TBC1D19: variants seen among roughly 807,000 people sequenced by gnomAD.
TBC1D19 encodes the protein TBC1 domain family, member 19.
In TBC1D19, 60 loss-of-function variants were observed where a neutral mutation model predicts 89.0. That is an observed-to-expected ratio of 0.67 (90% CI 0.55 to 0.84). The LOEUF (loss-of-function observed/expected upper bound fraction) is 0.84. Among genes scored for constraint, TBC1D19 ranks in the 40% least tolerant of loss-of-function variants. TBC1D19 has a pLI of 0.00. For synonymous variants in TBC1D19, 189 were observed against 199.7 expected (o/e 0.95, Z 0.45); for missense variants, 500 against 610.8 (o/e 0.82, Z 1.91).
At chr4:26,850,849 T>G in the TBC1D19 span, among the ~76,000 whole-genome samples, 2 of 152,168 alleles carry the variant, frequency 1.3e-5, no homozygotes, top group Admixed American at 6.5e-5. Flanking sequence ...GACACCTAGA[T>G]AGCTGGCAAG....
chr4:26,631,772 C>T (rs1435551168), intron 4 of TBC1D19, among the ~76,000 whole-genome samples: 1 of 152,064 alleles, frequency 6.6e-6, no homozygotes, highest in Non-Finnish European at 1.5e-5. Context: ...AGTAATGACA[C>T]ACATCTTATA....
At chr4:26,698,189 A>G (rs1714982610) in intron 13 of TBC1D19, among the ~76,000 whole-genome samples, 1 of 152,216 alleles carries the variant, frequency 6.6e-6, no homozygotes, top group African/African-American at 2.4e-5. Flanking sequence ...TCAATGTGCA[A>G]AAATCACAAG....
the TBC1D19 span, among the ~76,000 whole-genome samples, chr4:26,824,224 A>T: frequency 1.3e-5 from 2 of 152,214 alleles, no homozygotes; most frequent in African/African-American, 4.8e-5. Context: ...AGATAAAGAG[A>T]TGATAAGAGA....
At chr4:26,829,187 G>A in the TBC1D19 span, among the ~76,000 whole-genome samples, 12 of 152,266 alleles carry the variant, frequency 7.9e-5, no homozygotes, top group Admixed American at 5.2e-4. Context: ...ATTATAAAAC[G>A]GTTGCCTGCA....
chr4:26,796,998 G>T, the TBC1D19 span, among the ~76,000 whole-genome samples: 3 of 152,032 alleles, frequency 2.0e-5, no homozygotes, highest in African/African-American at 7.2e-5. Flanking sequence ...CCTCAAAAAA[G>T]CTATTTTTAA....
rs1389635159 is a variant in TBC1D19, at chr4:26,742,493, C to T, written c.1228-15C>T. The T allele has an allele frequency of 6.4e-6, 10 of 1,561,400 alleles. No individual in the cohort carries two copies. The highest frequency in any genetic ancestry group is 1.2e-5 in the South Asian group (1 of 80,390). On this transcript the variant is annotated splice_polypyrimidine_tract_variant and intron_variant, in intron 17 of 20. Transcript: ENST00000264866. ...TAAAATATCTATTTCTCTTATGATTCATTATTGTATCCAGGGTATTGTGTC... is the reference window on the plus strand; with the variant it reads ...TAAAATATCTATTTCTCTTATGATTTATTATTGTATCCAGGGTATTGTGTC...
At chr4:26,686,793 G>T (rs1031179836) in intron 12 of TBC1D19, among the ~76,000 whole-genome samples, 8 of 152,106 alleles carry the variant, frequency 5.3e-5, no homozygotes, top group East Asian at 1.9e-4. Flanking sequence ...TGTCATTATG[G>T]TTTTTTCAGA....
intron 11 of TBC1D19, among the ~76,000 whole-genome samples, chr4:26,680,876 C>T (rs1366089699): frequency 2.0e-5 from 3 of 152,136 alleles, no homozygotes; most frequent in African/African-American, 7.2e-5. Flanking sequence ...GCATGTATTT[C>T]TCAGAATTCC....
the TBC1D19 span, among the ~76,000 whole-genome samples, chr4:26,826,983 T>C: frequency 6.6e-6 from 1 of 152,212 alleles, no homozygotes; most frequent in Non-Finnish European, 1.5e-5. Flanking sequence ...GGTTACATAA[T>C]ATTTTTTTCC....
intron 7 of TBC1D19, among the ~76,000 whole-genome samples, chr4:26,641,334 C>T (rs1391821403): frequency 2.0e-5 from 3 of 152,068 alleles, no homozygotes; most frequent in Non-Finnish European, 2.9e-5. Context: ...AGCTGAGGGA[C>T]CTGACTGTTA....
chr4:26,742,939 A>G (rs1345994839), intron 18 of TBC1D19, among the ~76,000 whole-genome samples: 1 of 152,166 alleles, frequency 6.6e-6, no homozygotes, highest in African/African-American at 2.4e-5. Flanking sequence ...TGATCATACT[A>G]AACTTAATTC....
At chr4:26,606,594 G>A (rs779425470) in intron 1 of TBC1D19, among the ~76,000 whole-genome samples, 2 of 152,188 alleles carry the variant, frequency 1.3e-5, no homozygotes, top group Non-Finnish European at 2.9e-5. Context: ...AGGTAGGGAT[G>A]TAGACAGTTT....
intron 15 of TBC1D19, among the ~76,000 whole-genome samples, chr4:26,730,080 C>G (rs558582194): frequency 7.8e-4 from 118 of 152,126 alleles, no homozygotes; most frequent in African/African-American, 2.6e-3. Flanking sequence ...GAGGCTCTTA[C>G]AGAACCATAG....
intron 19 of TBC1D19, among the ~76,000 whole-genome samples, chr4:26,751,664 A>G (rs1169185819): frequency 6.6e-6 from 1 of 152,176 alleles, no homozygotes; most frequent in Non-Finnish European, 1.5e-5. Flanking sequence ...CTTTTTCTCC[A>G]GAATTTTTCT....
chr4:26,697,976 A>G (rs1349051512), intron 13 of TBC1D19, among the ~76,000 whole-genome samples: 1 of 151,858 alleles, frequency 6.6e-6, no homozygotes, highest in Non-Finnish European at 1.5e-5. Flanking sequence ...CTCTCTCACC[A>G]CTCCTATTCA....
At chr4:26,747,270 A>C (rs1264594978) in intron 18 of TBC1D19, among the ~76,000 whole-genome samples, 2 of 152,158 alleles carry the variant, frequency 1.3e-5, no homozygotes, top group African/African-American at 4.8e-5. Context: ...ATTTGAGTAA[A>C]ATGAAGCAAG....
At chr4:26,842,603 T>TCTTTCTTC in the TBC1D19 span, among the ~76,000 whole-genome samples, 1 of 137,360 alleles carries the variant, frequency 7.3e-6, no homozygotes, top group Admixed American at 7.5e-5. Context: ...TTTCTTTCTT[T>TCTTTCTTC]CTTTCTTTCT....
At chr4:26,693,190 C>T (rs948864224) in intron 13 of TBC1D19, among the ~76,000 whole-genome samples, 8 of 150,960 alleles carry the variant, frequency 5.3e-5, no homozygotes, top group African/African-American at 9.7e-5. Context: ...ATGCTCAAGG[C>T]GGCATACTCT....
At position 26,600,954 on chromosome 4, in the gene TBC1D19, T is replaced by C. The variant is rs73114619; in HGVS notation, c.100-12215T>C. Among the ~76,000 whole-genome samples, 412 of 152,270 alleles carry C rather than the reference T, an allele frequency of 2.7e-3. 4 individuals carry two copies. The highest frequency in any genetic ancestry group is 9.2e-3 in the African/African-American group (382 of 41,552). ...AAAGATAGTAGTAATTCAACATATT[T>C]TAATTGAGCCTCTCATCTGTGGTAG... On this transcript the variant is annotated intron_variant, in intron 1 of 20. Coordinates refer to ENST00000264866, the MANE Select transcript of TBC1D19 (RefSeq NM_018317.4).
Sources: gnomAD v4.1 joint callset for allele counts (sites outside exome capture counted in the v4.1 genomes callset) on GRCh38, gnomAD v4.1.1 for gene constraint, MANE v1.5 for transcripts, NCBI Gene and HGNC (gene_info 2026-07-23, HGNC 2026-07-21) for gene names.